The following PARD3 variants were observed in gnomAD, a reference collection of about 807,000 sequenced individuals.
The protein encoded by PARD3 is partitioning defective 3 homolog.
In PARD3, 75 loss-of-function variants were observed where a neutral mutation model predicts 155.4. The ratio of observed to expected loss-of-function variants is 0.48; its 90% CI spans 0.40 to 0.58. PARD3 has a LOEUF of 0.58. Among genes scored for constraint, PARD3 ranks in the 20% least tolerant of loss-of-function variants. The pLI, the probability that PARD3 is intolerant of heterozygous loss-of-function variation, is 0.00. For missense variants in PARD3, 1,642 were observed against 1,721.7 expected (o/e 0.95, Z 0.82); for synonymous variants, 576 against 610.5 (o/e 0.94, Z 0.83).
intron 2 of PARD3, among the ~76,000 whole-genome samples, chr10:34,614,936 C>T (rs1385771320): frequency 2.6e-5 from 4 of 152,058 alleles, no homozygotes; most frequent in Admixed American, 1.3e-4. Flanking sequence ...CCCAGCACTT[C>T]GGGAGGCCAA....
chr10:34,611,328 T>A (rs891215324), intron 2 of PARD3, among the ~76,000 whole-genome samples: 1 of 152,208 alleles, frequency 6.6e-6, no homozygotes. Flanking sequence ...GTACCTTTAG[T>A]ATGACATTTT....
chr10:34,178,070 T>A (rs557647811), intron 22 of PARD3, among the ~76,000 whole-genome samples: 193 of 152,280 alleles, frequency 1.3e-3, no homozygotes, highest in African/African-American at 4.3e-3. Context: ...ATAACATATA[T>A]ACAGGAAAGG....
Position 34,423,456 on chromosome 10 carries a change from T to C in PARD3, c.715-21539A>G, listed in dbSNP as rs570137147. Reference sequence around the variant, plus strand: ...ATACTTGAAAACTGCTAAGAAAACATGTTTTAAGTGTTCTCACCACACAAA... The same window carrying C: ...ATACTTGAAAACTGCTAAGAAAACACGTTTTAAGTGTTCTCACCACACAAA... On this transcript the variant is annotated intron_variant, in intron 5 of 24. Transcript: ENST00000374788. Among the ~76,000 whole-genome samples the C allele has an allele frequency of 7.0e-4, 106 of 152,306 alleles. 1 individual carries two copies. The highest frequency in any genetic ancestry group is 6.6e-3 in the South Asian group (32 of 4,830).
At chr10:34,359,670 C>T (rs1839248024) in intron 13 of PARD3, among the ~76,000 whole-genome samples, 1 of 152,138 alleles carries the variant, frequency 6.6e-6, no homozygotes, top group South Asian at 2.1e-4. Context: ...GGCTATTAGA[C>T]AGTTGCAGAG....
intron 2 of PARD3, among the ~76,000 whole-genome samples, chr10:34,684,783 ACACAC>A (rs2093914853): frequency 9.8e-5 from 1 of 10,194 alleles, no homozygotes; most frequent in South Asian, 1.8e-3. Context: ...ATACATACAC[ACACAC>A]ACACACACAC....
At chr10:34,249,681 G>T (rs1412379185) in intron 22 of PARD3, among the ~76,000 whole-genome samples, 1 of 152,130 alleles carries the variant, frequency 6.6e-6, no homozygotes, top group Non-Finnish European at 1.5e-5. Context: ...CCCCCACCCT[G>T]TATGGTCTGT....
rs563752961 is a variant in PARD3, at chr10:34,720,163, C to T, written c.121-23744G>A. 7.2e-5 allele frequency among the ~76,000 whole-genome samples: 11 copies of T among 152,254 alleles called. No individual in the cohort carries two copies. In the East Asian group the frequency reaches 1.2e-3, roughly 16 times the overall value. Reference sequence around the variant, plus strand: ...TTTAAAAATTTGCAAACGGGCACGGCGGCTCATGCCTGTAATCCCACTAGT... The same window carrying T: ...TTTAAAAATTTGCAAACGGGCACGGTGGCTCATGCCTGTAATCCCACTAGT... On this transcript the variant is annotated intron_variant, in intron 1 of 24. Coordinates refer to ENST00000374788, the MANE Select transcript of PARD3 (RefSeq NM_001184785.2).
chr10:34,358,102 A>G (rs1331328672), intron 14 of PARD3, among the ~76,000 whole-genome samples: 2 of 152,208 alleles, frequency 1.3e-5, no homozygotes, highest in Non-Finnish European at 2.9e-5. Context: ...CATTGATTTA[A>G]GAAAAACTTC....
chr10:34,716,585 C>CTTTTTTTTT (rs34751073), intron 1 of PARD3, among the ~76,000 whole-genome samples: 19 of 73,250 alleles, frequency 2.6e-4, no homozygotes, highest in East Asian at 1.5e-3. Context: ...GATGGCTTTT[C>CTTTTTTTTT]TTTTTTTTTT....
intron 5 of PARD3, among the ~76,000 whole-genome samples, chr10:34,427,714 G>A (rs771818140): frequency 9.9e-5 from 15 of 152,038 alleles, no homozygotes; most frequent in Non-Finnish European, 2.1e-4. Flanking sequence ...GGGGCATCAC[G>A]GAACCTGCCG....
intron 2 of PARD3, among the ~76,000 whole-genome samples, chr10:34,664,675 AG>A (rs1474755573): frequency 6.6e-6 from 1 of 150,680 alleles, no homozygotes; most frequent in Admixed American, 6.6e-5. Flanking sequence ...TAGTAGAGAC[AG>A]GGTTTCACCA....
chr10:34,768,333 G>C (rs1019175261), intron 1 of PARD3, among the ~76,000 whole-genome samples: 1 of 99,938 alleles, frequency 1.0e-5, no homozygotes, highest in African/African-American at 3.9e-5. Context: ...ATGAACATTG[G>C]TTCCATCTGG....
In PARD3 at chr10:34,111,411, C is replaced by T. The variant is rs202148989; in HGVS notation, c.3820G>A (p.Ala1274Thr). ...TCCTGAGTTTCCAGCATGACCCTGG[C>T]GTTGAAGCCATGTCCTCCCAGGTAG... ...NGYLGGHGFN[A>T]RVMLETQELL... is the part of the protein sequence containing the mutation. Residue 1274 changes from alanine (A) to threonine (T), a missense_variant, in exon 25 of 25, where the codon GCC becomes ACC. Physicochemically the swap from Ala to Thr is moderately conservative, Grantham distance 58. This residue lies in a region of PARD3 where 1,529 missense variants were observed against 1,587.3 expected (regional missense o/e 0.96). Coordinates refer to ENST00000374788, the MANE Select transcript of PARD3 (RefSeq NM_001184785.2). 3.4e-5 allele frequency: 55 copies of T among 1,614,176 alleles called. No individual in the cohort carries two copies. In the African/African-American group the frequency reaches 5.2e-4, roughly 15 times the overall value.
intron 22 of PARD3, among the ~76,000 whole-genome samples, chr10:34,172,078 G>T (rs548027723): frequency 1.3e-5 from 2 of 150,272 alleles, no homozygotes; most frequent in East Asian, 3.9e-4. Context: ...CCTTGTGAAA[G>T]ATTTACTAAA....
At chr10:34,417,049 G>A (rs1251717301) in intron 5 of PARD3, among the ~76,000 whole-genome samples, 1 of 152,116 alleles carries the variant, frequency 6.6e-6, no homozygotes, top group African/African-American at 2.4e-5. Context: ...GAGGCATGAG[G>A]AATGGTTCCC....
At chr10:34,327,647 A>G (rs1330876574) in intron 19 of PARD3, among the ~76,000 whole-genome samples, 2 of 152,206 alleles carry the variant, frequency 1.3e-5, no homozygotes, top group African/African-American at 4.8e-5. Context: ...GCTGACCTCC[A>G]TAACTAGCTT....
At chr10:34,151,331 G>T (rs1948772483) in intron 22 of PARD3, among the ~76,000 whole-genome samples, 1 of 152,126 alleles carries the variant, frequency 6.6e-6, no homozygotes, top group African/African-American at 2.4e-5. Flanking sequence ...GAATTTTTGA[G>T]AGAAAAGTCA....
At chr10:34,720,528 T>C (rs1397240108) in intron 1 of PARD3, among the ~76,000 whole-genome samples, 2 of 150,510 alleles carry the variant, frequency 1.3e-5, no homozygotes, top group African/African-American at 4.9e-5. Context: ...CCAGGTGCAT[T>C]GGCTCAGGCC....
intron 4 of PARD3, among the ~76,000 whole-genome samples, chr10:34,455,344 A>C (rs1469058255): frequency 6.6e-6 from 1 of 152,172 alleles, no homozygotes; most frequent in Non-Finnish European, 1.5e-5. Flanking sequence ...TACATTTCCC[A>C]CATTTTTCAG....
Sources: allele counts gnomAD v4.1 joint callset (sites outside exome capture counted in the v4.1 genomes callset), GRCh38; gene constraint gnomAD v4.1.1; regional missense constraint gnomAD v4.1.1; transcripts MANE v1.5; gene names NCBI Gene and HGNC (gene_info 2026-07-23, HGNC 2026-07-21).